Variants in NUDCD3 observed in about 807,000 individuals in gnomAD.
NUDCD3 encodes NudC domain containing 3.
Under a neutral mutation model 39.7 loss-of-function variants are expected in NUDCD3, and 13 were observed. The ratio of observed to expected loss-of-function variants is 0.33; its 90% CI spans 0.21 to 0.52. The LOEUF (loss-of-function observed/expected upper bound fraction) is 0.52. Ranked by LOEUF, NUDCD3 falls within the 20% of genes least tolerant of loss-of-function variation. The probability of loss-of-function intolerance (pLI) is 0.96; values close to 1 mark genes in which losing one functional copy is unlikely to be tolerated. For missense variants in NUDCD3, 453 were observed against 458.1 expected (o/e 0.99, Z 0.10); for synonymous variants, 175 against 172.4 (o/e 1.02, Z -0.12).
Position 44,402,641 on chromosome 7 carries a change from C to A in NUDCD3, c.786+1799G>T, listed in dbSNP as rs1340611094. On this transcript the variant is annotated intron_variant, in intron 4 of 5. Coordinates refer to ENST00000355451, the MANE Select transcript of NUDCD3 (RefSeq NM_015332.4). ...ACCGGACCACACACGGGGTTGCTCA[C>A]CAAGAGCTCCTCGCTCAGAGGGAAC... is the stretch of plus-strand genomic sequence containing the variant. 3 of 456,440 alleles carry A rather than the reference C, an allele frequency of 6.6e-6. No individual in the cohort carries two copies. The Admixed American group carries it at 7.1e-5, about 11-fold the overall frequency. 28.3% of individuals were successfully genotyped at this position (456,440 alleles called of 1,614,324 possible). A position where few individuals can be genotyped will look rare whatever the true frequency, so the allele number is the denominator to read the frequency against.
intron 5 of NUDCD3, among the ~76,000 whole-genome samples, chr7:44,388,003 G>A (rs907637671): frequency 2.6e-5 from 4 of 152,128 alleles, no homozygotes; most frequent in African/African-American, 9.7e-5. Context: ...GGGGAATCCT[G>A]CTCATAAAAA....
intron 2 of NUDCD3, among the ~76,000 whole-genome samples, chr7:44,478,942 A>G (rs1484412713): frequency 6.6e-6 from 1 of 152,218 alleles, no homozygotes; most frequent in Non-Finnish European, 1.5e-5. Context: ...TAAAGAAAAG[A>G]GGTTTAATTG....
intron 3 of NUDCD3, among the ~76,000 whole-genome samples, chr7:44,419,379 G>C (rs1285018569): frequency 1.3e-5 from 2 of 152,202 alleles, no homozygotes; most frequent in Non-Finnish European, 2.9e-5. Flanking sequence ...CAGAGCACCT[G>C]GGAGAAGGGA....
rs556033904 is a variant in NUDCD3 at position 44,438,542 on chromosome 7, C to A, written c.510-10839G>T. 4.6e-5 allele frequency among the ~76,000 whole-genome samples: 7 copies of A among 152,170 alleles called. 1 individual carries two copies. In the South Asian group the frequency reaches 1.5e-3, roughly 32 times the overall value. ...TTGTAGACGTTGCACCAATCCTAGACTGTCCTCAACCAGCCCTAATCAAGA... is the reference window on the plus strand; with the variant it reads ...TTGTAGACGTTGCACCAATCCTAGAATGTCCTCAACCAGCCCTAATCAAGA... On this transcript the variant is annotated intron_variant, in intron 2 of 5. Transcript: ENST00000355451.
intron 1 of NUDCD3, chr7:44,485,609 C>A (rs559255341): frequency 1.4e-5 from 3 of 221,554 alleles, no homozygotes; most frequent in Non-Finnish European, 2.7e-5. Flanking sequence ...AAAGAATACA[C>A]GGTCCTGGTA....
intron 2 of NUDCD3, among the ~76,000 whole-genome samples, chr7:44,437,289 C>CA: frequency 6.6e-6 from 1 of 152,024 alleles, no homozygotes; most frequent in East Asian, 1.9e-4. Context: ...AGGCTGGTCT[C>CA]AAACTTCTGA....
At chr7:44,430,570 TCACACACACACA>T (rs58853542) in intron 2 of NUDCD3, among the ~76,000 whole-genome samples, 10 of 125,838 alleles carry the variant, frequency 7.9e-5, no homozygotes, top group Non-Finnish European at 1.6e-4. Context: ...ACACACACAC[TCACACACACACA>T]CACACACACA....
At chr7:44,411,276 AT>A (rs1798918992) in intron 3 of NUDCD3, among the ~76,000 whole-genome samples, 1 of 152,194 alleles carries the variant, frequency 6.6e-6, no homozygotes, top group Non-Finnish European at 1.5e-5. Context: ...AAAAAAAAAA[AT>A]ATTGACTTCA....
chr7:44,397,323 G>A (rs1416363104), intron 4 of NUDCD3, among the ~76,000 whole-genome samples: 1 of 152,222 alleles, frequency 6.6e-6, no homozygotes, highest in Non-Finnish European at 1.5e-5. Context: ...GAGAGCTGCT[G>A]TAGAGATCTG....
intron 2 of NUDCD3, among the ~76,000 whole-genome samples, chr7:44,481,670 C>T (rs1800492970): frequency 6.6e-6 from 1 of 152,200 alleles, no homozygotes; most frequent in Admixed American, 6.5e-5. Context: ...TCCCTTACTA[C>T]AGAAATTCAG....
intron 2 of NUDCD3, among the ~76,000 whole-genome samples, chr7:44,482,751 T>C (rs936625357): frequency 1.3e-4 from 20 of 151,630 alleles, no homozygotes; most frequent in Non-Finnish European, 2.4e-4. Flanking sequence ...AAAAAGAAAA[T>C]GTAACCCAAA....
chr7:44,391,469 T>A (rs1436393767), intron 5 of NUDCD3, among the ~76,000 whole-genome samples: 1 of 152,136 alleles, frequency 6.6e-6, no homozygotes, highest in Admixed American at 6.5e-5. Context: ...GTAAGGTTCC[T>A]CCAAGAGACA....
chr7:44,433,527 T>C (rs1218501586), intron 2 of NUDCD3, among the ~76,000 whole-genome samples: 3 of 151,992 alleles, frequency 2.0e-5, no homozygotes, highest in African/African-American at 4.8e-5. Context: ...GTGTGTGTGC[T>C]ATGTGCATGT....
intron 2 of NUDCD3, chr7:44,468,183 G>A (rs1311130655): frequency 1.9e-6 from 3 of 1,601,924 alleles, no homozygotes; most frequent in Non-Finnish European, 2.5e-6. Flanking sequence ...AAATCTTACT[G>A]TGCCGAGATC....
chr7:44,469,380 A>G (rs1341298123), intron 2 of NUDCD3, among the ~76,000 whole-genome samples: 1 of 152,176 alleles, frequency 6.6e-6, no homozygotes, highest in Non-Finnish European at 1.5e-5. Flanking sequence ...AGATCTTTAA[A>G]CTAAATTTGT....
At chr7:44,423,708 C>A (rs954627458) in intron 3 of NUDCD3, among the ~76,000 whole-genome samples, 1 of 152,098 alleles carries the variant, frequency 6.6e-6, no homozygotes, top group Non-Finnish European at 1.5e-5. Context: ...GTGAAAATGG[C>A]CATACTGCCC....
chr7:44,396,822 TC>T (rs555267134), intron 4 of NUDCD3, among the ~76,000 whole-genome samples: 125 of 152,330 alleles, frequency 8.2e-4, no homozygotes, highest in African/African-American at 3.0e-3. Context: ...TGCAGGGCTG[TC>T]TTCCGACACC....
chr7:44,425,705 T>A (rs554427892), intron 3 of NUDCD3, among the ~76,000 whole-genome samples: 50 of 150,582 alleles, frequency 3.3e-4, no homozygotes, highest in South Asian at 4.2e-4. Flanking sequence ...CTACAAAAAA[T>A]TTTTTTTAAA....
intron 2 of NUDCD3, among the ~76,000 whole-genome samples, chr7:44,444,247 C>T (rs189499594): frequency 2.6e-5 from 4 of 152,274 alleles, no homozygotes; most frequent in Admixed American, 2.6e-4. Flanking sequence ...ATCCTATCAC[C>T]TGTTCCTTGG....
Sources: allele counts gnomAD v4.1 joint callset (sites outside exome capture counted in the v4.1 genomes callset), GRCh38; gene constraint gnomAD v4.1.1; transcripts MANE v1.5; gene names NCBI Gene and HGNC (gene_info 2026-07-23, HGNC 2026-07-21).